MRPS9: variants seen among roughly 807,000 people sequenced by gnomAD.
MRPS9 encodes the protein mitochondrial ribosomal protein S9.
In MRPS9, 45 loss-of-function variants were observed where a neutral mutation model predicts 59.9. That is an observed-to-expected ratio of 0.75 (90% CI 0.59 to 0.96). The LOEUF (loss-of-function observed/expected upper bound fraction) is 0.96, where lower values mean the gene tolerates loss of function less well. Ranked by LOEUF, MRPS9 falls within the 40% of genes least tolerant of loss-of-function variation. The pLI is 0.00. For missense variants in MRPS9, 473 were observed against 481.1 expected (o/e 0.98, Z 0.16); for synonymous variants, 171 against 166.8 (o/e 1.03, Z -0.19).
rs887721550 is a variant in MRPS9, at chr2:105,093,692, A to G, written c.929+54A>G. The G allele has an allele frequency of 8.6e-6, 7 of 812,602 alleles. No homozygotes were observed. The Admixed American group carries it at 1.7e-4, about 20-fold the overall frequency. 50.3% of individuals were successfully genotyped at this position (812,602 alleles called of 1,614,324 possible). ...TTAAAGGAAACATACTTTATAATAC[A>G]TCATGATCATTTAAGAAGGCTTGTG... On this transcript the variant is annotated intron_variant, in intron 9 of 10. Coordinates refer to ENST00000258455, the MANE Select transcript of MRPS9 (RefSeq NM_182640.3).
At chr2:105,081,119 G>C (rs1036522082) in intron 5 of MRPS9, among the ~76,000 whole-genome samples, 1 of 152,200 alleles carries the variant, frequency 6.6e-6, no homozygotes, top group Non-Finnish European at 1.5e-5. Flanking sequence ...TGTCAAATCT[G>C]CCTCCAAACG....
intron 2 of MRPS9, among the ~76,000 whole-genome samples, chr2:105,067,952 T>C (rs1003794805): frequency 2.0e-5 from 3 of 152,226 alleles, no homozygotes; most frequent in Non-Finnish European, 4.4e-5. Flanking sequence ...TTTAGCTTCC[T>C]GAGTAGCTGG....
intron 1 of MRPS9, among the ~76,000 whole-genome samples, chr2:105,044,176 G>A (rs991812219): frequency 5.3e-5 from 8 of 151,984 alleles, no homozygotes; most frequent in Non-Finnish European, 1.2e-4. Context: ...CAGTTGATCC[G>A]CCCACTTCGG....
chr2:105,075,900 A>G (rs1680201912), intron 4 of MRPS9, among the ~76,000 whole-genome samples: 1 of 152,204 alleles, frequency 6.6e-6, no homozygotes, highest in Non-Finnish European at 1.5e-5. Context: ...CAAATTTAAA[A>G]ATATATCAAT....
Position 105,081,382 on chromosome 2 carries a change from C to T in MRPS9, c.489+1320C>T, listed in dbSNP as rs191386785. ...GCCTTTTAACTTTTCTACTTAATCA[C>T]GGTTGTAGCATTGCCTTTAGACTGT... On this transcript the variant is annotated intron_variant, in intron 5 of 10. Coordinates refer to ENST00000258455, the MANE Select transcript of MRPS9 (RefSeq NM_182640.3). Among the ~76,000 whole-genome samples, 275 of 152,340 alleles carry T rather than the reference C, an allele frequency of 1.8e-3. 2 individuals carry two copies. Among genetic ancestry groups the T allele is most frequent in the Admixed American group, 4.1e-3 (62 of 15,304 alleles).
intron 2 of MRPS9, among the ~76,000 whole-genome samples, chr2:105,068,217 T>A (rs972845492): frequency 2.2e-5 from 3 of 138,300 alleles, no homozygotes; most frequent in Non-Finnish European, 5.0e-5. Flanking sequence ...GGAAATAATA[T>A]TTTTTGAATA....
At chr2:105,043,847 C>G (rs1253235831) in intron 1 of MRPS9, among the ~76,000 whole-genome samples, 1 of 151,572 alleles carries the variant, frequency 6.6e-6, no homozygotes, top group Non-Finnish European at 1.5e-5. Context: ...GTTGGCCAGG[C>G]TGGTCTCAAA....
chr2:105,086,370 T>C (rs936244615), intron 5 of MRPS9, among the ~76,000 whole-genome samples: 1 of 152,184 alleles, frequency 6.6e-6, no homozygotes, highest in Non-Finnish European at 1.5e-5. Flanking sequence ...ATAGTTTTAC[T>C]TGTACCATTT....
chr2:105,057,862 C>T (rs1163819185), intron 2 of MRPS9, among the ~76,000 whole-genome samples: 1 of 152,160 alleles, frequency 6.6e-6, no homozygotes, highest in African/African-American at 2.4e-5. Context: ...TGAATACAGA[C>T]TTGCACTTGC....
intron 1 of MRPS9, among the ~76,000 whole-genome samples, chr2:105,043,881 C>T (rs1288121802): frequency 1.3e-5 from 2 of 151,096 alleles, no homozygotes; most frequent in Non-Finnish European, 2.9e-5. Context: ...GATCGGCCTG[C>T]CTTGGCTTCC....
chr2:105,071,220 T>C, intron 2 of MRPS9, 93 bp from the exon 3 acceptor site: 1 of 937,722 alleles, frequency 1.1e-6, no homozygotes, highest in East Asian at 2.5e-5. Context: ...GAAACTCTAG[T>C]TCAATGTCCA....
In MRPS9 at chr2:105,071,489, G is replaced by C. The variant is rs780669976; in HGVS notation, c.409G>C (p.Ala137Pro). ...TGAACAGATTTTTCCAAGACAAAGAGGTAAGTTTGTTCAAGAATGAGAGAA... is the reference window on the plus strand; with the variant it reads ...TGAACAGATTTTTCCAAGACAAAGACGTAAGTTTGTTCAAGAATGAGAGAA... ...HPEQIFPRQR[A>P]IQWGEDGRPF... Residue 137 changes from alanine to proline, a missense_variant and splice_region_variant, in exon 4 of 11, where the codon GCA (alanine) becomes CCA (proline). Ala to Pro is a conservative substitution (Grantham distance 27). Transcript: ENST00000258455. The C allele has an allele frequency of 3.1e-6, 5 of 1,603,000 alleles. No individual in the cohort carries two copies. The Admixed American group carries it at 5.0e-5, about 16-fold the overall frequency.
intron 1 of MRPS9, among the ~76,000 whole-genome samples, chr2:105,046,613 C>T (rs772835886): frequency 6.6e-6 from 1 of 151,660 alleles, no homozygotes; most frequent in Non-Finnish European, 1.5e-5. Context: ...CCTCCCTGAT[C>T]TTGCTCCTCC....
At chr2:105,070,711 C>G (rs1680096473) in intron 2 of MRPS9, among the ~76,000 whole-genome samples, 1 of 152,156 alleles carries the variant, frequency 6.6e-6, no homozygotes, top group Non-Finnish European at 1.5e-5. Context: ...CTGGTTATTA[C>G]TGATGCCGAC....
rs114617755 is a variant in MRPS9, at chr2:105,066,976, G to A, written c.316-4337G>A. On this transcript the variant is annotated intron_variant, in intron 2 of 10. Transcript: ENST00000258455. ...GAATATTCATTGAATAAATATAAAC[G>A]CATACCCCCATCACCTAGATTTGCC... is the stretch of plus-strand genomic sequence containing the variant. 4.1e-3 allele frequency among the ~76,000 whole-genome samples: 621 copies of A among 152,044 alleles called. 5 individuals are homozygous for A. Among genetic ancestry groups the A allele is most frequent in the African/African-American group, 0.014 (575 of 41,474 alleles).
intron 4 of MRPS9, among the ~76,000 whole-genome samples, chr2:105,077,302 A>G (rs1024006492): frequency 1.3e-5 from 2 of 152,172 alleles, no homozygotes; most frequent in South Asian, 4.1e-4. Flanking sequence ...ATGAGAGACA[A>G]TTATCACAAT....
intron 8 of MRPS9, among the ~76,000 whole-genome samples, chr2:105,093,160 T>C (rs1680593711): frequency 6.6e-6 from 1 of 152,212 alleles, no homozygotes; most frequent in South Asian, 2.1e-4. Context: ...TATTTATATA[T>C]TTCTAAAACT....
At chr2:105,064,845 A>G (rs1215313688) in intron 2 of MRPS9, among the ~76,000 whole-genome samples, 1 of 152,250 alleles carries the variant, frequency 6.6e-6, no homozygotes, top group Non-Finnish European at 1.5e-5. Flanking sequence ...TTGCAAAGGC[A>G]TTTGTTTAGA....
At chr2:105,098,198 C>T (rs1382793259) in intron 10 of MRPS9, 1 of 152,204 alleles carries the variant, frequency 6.6e-6, no homozygotes, top group East Asian at 1.9e-4. Context: ...TTGATTCTTA[C>T]CTTAGACTAC....
Sources: allele counts gnomAD v4.1 joint callset (sites outside exome capture counted in the v4.1 genomes callset), GRCh38; gene constraint gnomAD v4.1.1; transcripts MANE v1.5; gene names NCBI Gene and HGNC (gene_info 2026-07-23, HGNC 2026-07-21).